IL17RE: variants seen among roughly 807,000 people sequenced by gnomAD.
IL17RE encodes the protein interleukin 17 receptor E, also known as interleukin-17 receptor E.
In IL17RE, 47 loss-of-function variants were observed where a neutral mutation model predicts 70.7. The observed-to-expected ratio is 0.67, with a 90% CI of 0.53 to 0.85. IL17RE has a LOEUF of 0.85. Among genes scored for constraint, IL17RE ranks in the 40% least tolerant of loss-of-function variants. The pLI, the probability that IL17RE is intolerant of heterozygous loss-of-function variation, is 0.00. For synonymous variants in IL17RE, 372 were observed against 381.2 expected (o/e 0.98, Z 0.28); for missense variants, 850 against 893.9 (o/e 0.95, Z 0.63).
chr3:9,911,293 C>A lies in IL17RE; in HGVS notation c.1065C>A (p.His355Gln). 2 of 1,614,192 alleles carry A rather than the reference C, an allele frequency of 1.2e-6. No homozygotes were observed. The highest frequency in any genetic ancestry group is 1.7e-6 in the Non-Finnish European group (2 of 1,180,010). ...ACAGCAGCCATGTTGAATGCCCCCA[C>A]CAGACTGGTGAGTCAATAAGTGACC... ...FGNSSHVECP[H>Q]QTGSLTSWNV... is the part of the protein sequence containing the mutation. Residue 355 changes from histidine (H) to glutamine (Q), a missense_variant, in exon 11 of 16, where the codon CAC (histidine) becomes CAA (glutamine). Transcript: ENST00000383814.
At position 9,909,213 on chromosome 3, in the gene IL17RE, C is replaced by T. The variant is rs138481984; in HGVS notation, c.736-4C>T. Reference sequence around the variant, plus strand: ...ACCCTCCCCACCTGCTCCCGTCTCTCCAGGCATCCTACCTGCAAGAGGACA... The same window carrying T: ...ACCCTCCCCACCTGCTCCCGTCTCTTCAGGCATCCTACCTGCAAGAGGACA... On this transcript the variant is annotated splice_region_variant and splice_polypyrimidine_tract_variant and intron_variant, in intron 7 of 15. Coordinates refer to ENST00000383814, the MANE Select transcript of IL17RE (RefSeq NM_153480.2). 1.2e-6 allele frequency: 2 copies of T among 1,613,432 alleles called. No individual in the cohort carries two copies. The highest frequency in any genetic ancestry group is 1.7e-6 in the Non-Finnish European group (2 of 1,179,632).
In IL17RE at chr3:9,915,263, C is replaced by T. The variant is rs1450432319; in HGVS notation, c.1460C>T (p.Ala487Val). 6 of 1,392,434 alleles carry T rather than the reference C, an allele frequency of 4.3e-6. No individual in the cohort carries two copies. In the African/African-American group the frequency reaches 4.5e-5, roughly 11 times the overall value. 86.3% of individuals were successfully genotyped at this position (1,392,434 alleles called of 1,614,324 possible). Residue 487 changes from alanine to valine, a missense_variant, in exon 16 of 16, where the codon GCG (alanine) becomes GTG (valine). By Grantham distance (64) the Ala-to-Val change is moderately conservative. Transcript: ENST00000383814. The surrounding 1 kb of genome is among the most constrained non-coding windows in gnomAD (Gnocchi z 4.9). ...TTCCCGCCACCAGGCCCGGGCCCAGCGCGGCCAGTGCTCCTCCTGCACGCG... is the reference window on the plus strand; with the variant it reads ...TTCCCGCCACCAGGCCCGGGCCCAGTGCGGCCAGTGCTCCTCCTGCACGCG... ...CRRPQSGPGP[A>V]RPVLLLHAAD...
intron 7 of IL17RE, among the ~76,000 whole-genome samples, chr3:9,908,634 G>A (rs2082815060): frequency 6.6e-6 from 1 of 152,230 alleles, no homozygotes; most frequent in African/African-American, 2.4e-5. Flanking sequence ...AGGAAGGAGT[G>A]TGTGCATGGC....
chr3:9,905,998 C>G (rs566647270), intron 3 of IL17RE, among the ~76,000 whole-genome samples: 26 of 152,124 alleles, frequency 1.7e-4, no homozygotes, highest in Non-Finnish European at 3.1e-4. Flanking sequence ...GCCTGTAATC[C>G]CAGCACTTTG....
rs774281926 is a variant in IL17RE at position 9,915,838 on chromosome 3, C to T, written c.*31C>T. Reference sequence around the variant, plus strand: ...GCTCCACCGCAGTCCCGGGTGTCTGCGGCCGCAACGCAACGGACACTGGCT... The same window carrying T: ...GCTCCACCGCAGTCCCGGGTGTCTGTGGCCGCAACGCAACGGACACTGGCT... On this transcript the variant is annotated 3_prime_UTR_variant, in exon 16 of 16. Transcript: ENST00000383814. This position sits in a 1 kb window ranked among gnomAD's most constrained non-coding sequence, Gnocchi z 4.9. The T allele has an allele frequency of 3.4e-6, 5 of 1,471,520 alleles. No homozygotes were observed. Among genetic ancestry groups the T allele is most frequent in the Non-Finnish European group, 3.6e-6 (4 of 1,125,656 alleles). 91.2% of individuals were successfully genotyped at this position (1,471,520 alleles called of 1,614,324 possible). A position where few individuals can be genotyped will look rare whatever the true frequency, so the allele number is the denominator to read the frequency against.
chr3:9,916,036 G>A lies in IL17RE; in HGVS notation c.*229G>A. The A allele has an allele frequency of 1.6e-6, 1 of 632,102 alleles. No homozygotes were observed. Among genetic ancestry groups the A allele is most frequent in the Non-Finnish European group, 2.3e-6 (1 of 429,428 alleles). The allele number at this position is 632,102 out of a possible 1,614,324, so 39.2% of individuals were successfully genotyped here. On this transcript the variant is annotated 3_prime_UTR_variant, in exon 16 of 16. Transcript: ENST00000383814. Reference sequence around the variant, plus strand: ...TGAGAGCTCCTCTAACCCCTGTTCTGATGGGGGAGGGCGGTCTTCCCACTT... The same window carrying A: ...TGAGAGCTCCTCTAACCCCTGTTCTAATGGGGGAGGGCGGTCTTCCCACTT...
intron 6 of IL17RE, 131 bp from the exon 7 acceptor site, chr3:9,908,108 G>A (rs1013944347): frequency 2.1e-5 from 15 of 705,020 alleles, no homozygotes; most frequent in African/African-American, 1.4e-4. Context: ...GACTTATCAG[G>A]AGAAGAAGTA....
chr3:9,903,410 C>G lies in IL17RE; in HGVS notation c.146C>G (p.Thr49Ser). The G allele has an allele frequency of 1.9e-6, 3 of 1,614,146 alleles. No individual in the cohort carries two copies. Among genetic ancestry groups the G allele is most frequent in the Non-Finnish European group, 2.5e-6 (3 of 1,180,002 alleles). ...CCTGTGCCTCAGGATGACAGTTTCA[C>G]TGGTGAGTCGCATTTCCTGCCCCAT... ...PLASHTDDSF[T>S]GSSAYIPCRT... Residue 49 changes from threonine (T) to serine (S), a missense_variant and splice_region_variant, in exon 2 of 16, where the codon ACT (threonine) becomes AGT (serine). Coordinates refer to ENST00000383814, the MANE Select transcript of IL17RE (RefSeq NM_153480.2).
At chr3:9,907,271 C>T (rs1209350246) in intron 6 of IL17RE, among the ~76,000 whole-genome samples, 171 bp downstream of exon 6, 1 of 152,094 alleles carries the variant, frequency 6.6e-6, no homozygotes. Context: ...GGCATGGTGG[C>T]TCACACCTGT....
In IL17RE at chr3:9,915,217, C is replaced by G; in HGVS notation, c.1448-34C>G. 7.3e-7 allele frequency: 1 copy of G among 1,366,516 alleles called. No homozygotes were observed. Among genetic ancestry groups the G allele is most frequent in the Non-Finnish European group, 9.4e-7 (1 of 1,063,964 alleles). The allele number at this position is 1,366,516 out of a possible 1,614,324, so 84.6% of individuals were successfully genotyped here. A position where few individuals can be genotyped will look rare whatever the true frequency, so the allele number is the denominator to read the frequency against. On this transcript the variant is annotated intron_variant, in intron 15 of 15. Coordinates refer to ENST00000383814, the MANE Select transcript of IL17RE (RefSeq NM_153480.2). The surrounding 1 kb of genome is among the most constrained non-coding windows in gnomAD (Gnocchi z 4.9). ...GAAGAGGGCTGAGCAGTCCCTCAGC[C>G]GCCCAGCCTTCATCTGTTGCTTCCC...
chr3:9,915,358 G>A lies in IL17RE; in HGVS notation c.1555G>A (p.Gly519Arg), dbSNP rs1206934439. ...ACTGCTACGGGCAGCGCTGGGCGGC[G>A]GGCGCGACGTGATCGTGGACCTGTG... is the stretch of plus-strand genomic sequence containing the variant. ...AELLRAALGG[G>R]RDVIVDLWEG... Residue 519 changes from glycine to arginine, a missense_variant, in exon 16 of 16, where the codon GGG (glycine) becomes AGG (arginine). By Grantham distance (125) the Gly-to-Arg change is moderately radical. Transcript: ENST00000383814. This position sits in a 1 kb window ranked among gnomAD's most constrained non-coding sequence, Gnocchi z 4.9. The A allele has an allele frequency of 7.3e-7, 1 of 1,366,688 alleles. No individual in the cohort carries two copies. The highest frequency in any genetic ancestry group is 9.4e-7 in the Non-Finnish European group (1 of 1,069,022). 84.7% of individuals were successfully genotyped at this position (1,366,688 alleles called of 1,614,324 possible).
chr3:9,914,470 C>T lies in IL17RE; in HGVS notation c.1297-78C>T, dbSNP rs550964290. The T allele has an allele frequency of 2.4e-5, 38 of 1,592,062 alleles. No individual in the cohort carries two copies. In the African/African-American group the frequency reaches 3.5e-4, roughly 15 times the overall value. ...CTAGCCAGTGGGGACTCCCCTCTCC[C>T]CCAGCTCCATGCTTCACTCAGCTCC... On this transcript the variant is annotated intron_variant, in intron 13 of 15. Coordinates refer to ENST00000383814, the MANE Select transcript of IL17RE (RefSeq NM_153480.2).
intron 8 of IL17RE, chr3:9,909,960 G>T: frequency 6.6e-6 from 1 of 152,462 alleles, no homozygotes. Context: ...GAGATAGGAG[G>T]GAAAGACATT....
Position 9,915,389 on chromosome 3 carries a change from G to A in IL17RE, c.1586G>A (p.Gly529Glu), listed in dbSNP as rs1369303492. 3 of 1,363,812 alleles carry A rather than the reference G, an allele frequency of 2.2e-6. No individual in the cohort carries two copies. The highest frequency in any genetic ancestry group is 1.9e-6 in the Non-Finnish European group (2 of 1,068,750). The allele number at this position is 1,363,812 out of a possible 1,614,324, so 84.5% of individuals were successfully genotyped here. A position where few individuals can be genotyped will look rare whatever the true frequency, so the allele number is the denominator to read the frequency against. ...GACGTGATCGTGGACCTGTGGGAGG[G>A]GAGGCACGTGGCGCGCGTGGGCCCG... ...GRDVIVDLWE[G>E]RHVARVGPLP... The change falls in exon 16 of 16, where the codon GGG becomes GAG. Residue 529 changes from glycine to glutamate, a missense_variant. Transcript: ENST00000383814. This position sits in a 1 kb window ranked among gnomAD's most constrained non-coding sequence, Gnocchi z 4.9.
intron 3 of IL17RE, among the ~76,000 whole-genome samples, chr3:9,905,379 C>T (rs1215768053): frequency 1.3e-5 from 2 of 151,126 alleles, no homozygotes; most frequent in Non-Finnish European, 2.9e-5. Context: ...TTGCTTAAGC[C>T]CAAGAGTTCA....
rs1456666805 is a variant in IL17RE at position 9,913,940 on chromosome 3, C to T, written c.1228-16C>T. ...CACCTCCCTGGGGACAGCCTTTCTG[C>T]TCTTTGTTTCTACAGGCCCGGGGCT... On this transcript the variant is annotated splice_polypyrimidine_tract_variant and intron_variant, in intron 12 of 15. Transcript: ENST00000383814. 3 of 1,611,038 alleles carry T rather than the reference C, an allele frequency of 1.9e-6. No individual in the cohort carries two copies. Among genetic ancestry groups the T allele is most frequent in the African/African-American group, 2.7e-5 (2 of 74,852 alleles).
At chr3:9,904,427 C>T (rs1178731928) in intron 3 of IL17RE, among the ~76,000 whole-genome samples, 1 of 152,148 alleles carries the variant, frequency 6.6e-6, no homozygotes, top group South Asian at 2.1e-4. Flanking sequence ...CTTTCTTACT[C>T]TATATTTTAA....
intron 3 of IL17RE, among the ~76,000 whole-genome samples, 167 bp from the exon 4 acceptor site, chr3:9,906,197 C>T (rs957434291): frequency 1.3e-5 from 2 of 151,994 alleles, no homozygotes; most frequent in Admixed American, 6.5e-5. Flanking sequence ...TGCAGTGAGC[C>T]GAGATCGCGC....
intron 12 of IL17RE, 73 bp from the exon 13 acceptor site, chr3:9,913,883 G>A: frequency 2.4e-6 from 3 of 1,227,716 alleles, no homozygotes; most frequent in Non-Finnish European, 2.4e-6. Flanking sequence ...GAACAGCAGG[G>A]GCAAAGACTC....
Sources: allele counts gnomAD v4.1 joint callset (sites outside exome capture counted in the v4.1 genomes callset), GRCh38; gene constraint gnomAD v4.1.1; non-coding constraint Gnocchi (gnomAD v3.1); transcripts MANE v1.5; gene names NCBI Gene and HGNC (gene_info 2026-07-23, HGNC 2026-07-21).